The following AASS variants were observed in gnomAD, a reference collection of about 807,000 sequenced individuals.
AASS encodes alpha-aminoadipic semialdehyde synthase, mitochondrial.
AASS carries 86 observed loss-of-function variants against 105.4 expected under a neutral mutation model. The observed-to-expected ratio is 0.82, with a 90% CI of 0.69 to 0.98. The LOEUF (loss-of-function observed/expected upper bound fraction) is 0.98. AASS is among the 50% of genes least tolerant of loss of function. The probability of loss-of-function intolerance (pLI) is 0.00; values close to 1 mark genes in which losing one functional copy is unlikely to be tolerated. For missense variants in AASS, 1,048 were observed against 1,143.2 expected, an observed-to-expected ratio of 0.92 and a Z score of 1.20; for synonymous variants, 381 against 394.8, an observed-to-expected ratio of 0.96 and a Z score of 0.41.
intron 3 of AASS, among the ~76,000 whole-genome samples, chr7:122,127,984 C>T (rs1284856735): frequency 2.0e-5 from 3 of 152,100 alleles, no homozygotes; most frequent in South Asian, 2.1e-4. Flanking sequence ...ATTTGCCCAC[C>T]GAAGCCTTTT....
chr7:122,133,839 C>G (rs1796023400), intron 1 of AASS, 98 bp from the exon 2 acceptor site: 21 of 1,014,518 alleles, frequency 2.1e-5, no homozygotes, highest in Middle Eastern at 5.8e-4. Flanking sequence ...ACAACCCGCT[C>G]TTATGAAAAC....
At chr7:122,126,243 T>C in intron 4 of AASS, 132 bp downstream of exon 4, 1 of 814,526 alleles carries the variant, frequency 1.2e-6, no homozygotes, top group Admixed American at 1.7e-5. Context: ...TCATCATCCT[T>C]CAGCATACCT....
At chr7:122,096,163 A>T (rs959688799) in intron 15 of AASS, among the ~76,000 whole-genome samples, 1 of 152,222 alleles carries the variant, frequency 6.6e-6, no homozygotes, top group Admixed American at 6.5e-5. Context: ...TGGAATTTTC[A>T]AAGAAACTTG....
chr7:122,133,964 G>T, intron 1 of AASS: 1 of 562,932 alleles, frequency 1.8e-6, no homozygotes, highest in Non-Finnish European at 3.2e-6. Context: ...ATAGAGCAAC[G>T]TGTGTGACAC....
chr7:122,126,854 T>G (rs73717789), intron 3 of AASS, among the ~76,000 whole-genome samples: 2,036 of 152,268 alleles, frequency 0.013, 51 homozygotes, highest in African/African-American at 0.046. Context: ...CTCTGTGACC[T>G]AGATCCCAGC....
At chr7:122,128,460 AC>A (rs1163536942) in intron 3 of AASS, among the ~76,000 whole-genome samples, 5 of 152,062 alleles carry the variant, frequency 3.3e-5, no homozygotes, top group Non-Finnish European at 5.9e-5. Context: ...TGACCATCCT[AC>A]TTAAAATAGC....
At chr7:122,081,408 T>A (rs1793314026) in intron 20 of AASS, 92 bp downstream of exon 20, 4 of 972,032 alleles carry the variant, frequency 4.1e-6, no homozygotes, top group Admixed American at 3.4e-5. Context: ...AAAAATAGGA[T>A]CTTTTGCAGA....
chr7:122,124,369 A>G (rs560968381), intron 4 of AASS, among the ~76,000 whole-genome samples: 1 of 151,548 alleles, frequency 6.6e-6, no homozygotes, highest in Non-Finnish European at 1.5e-5. Context: ...TGCAACCTCC[A>G]CCTCTCAGAT....
At chr7:122,128,754 T>C (rs1021994622) in intron 3 of AASS, among the ~76,000 whole-genome samples, 2 of 152,176 alleles carry the variant, frequency 1.3e-5, no homozygotes, top group African/African-American at 4.8e-5. Context: ...ATCTCAAAAA[T>C]GCATTTTCCC....
chr7:122,101,682 T>C lies in AASS; in HGVS notation c.1279-2A>G. On this transcript the variant is annotated splice_acceptor_variant, in intron 11 of 23. Coordinates refer to ENST00000417368, the MANE Select transcript of AASS (RefSeq NM_005763.4). LOFTEE classifies it high-confidence loss of function. ...AGGCTGTGTCGCGTCTGATAATATCTGAAAGGAAAATGAGATTTGTAAGAG... is the reference window on the plus strand; with the variant it reads ...AGGCTGTGTCGCGTCTGATAATATCCGAAAGGAAAATGAGATTTGTAAGAG... 2 of 1,609,884 alleles carry C rather than the reference T, an allele frequency of 1.2e-6. No homozygotes were observed. The highest frequency in any genetic ancestry group is 1.7e-6 in the Non-Finnish European group (2 of 1,176,936).
chr7:122,108,976 A>G (rs1470674972), intron 11 of AASS, among the ~76,000 whole-genome samples: 4 of 152,126 alleles, frequency 2.6e-5, no homozygotes, highest in Non-Finnish European at 5.9e-5. Flanking sequence ...TGCAAAATCA[A>G]CATACAAAAA....
intron 1 of AASS, among the ~76,000 whole-genome samples, chr7:122,141,676 A>C (rs899068750): frequency 2.0e-5 from 3 of 151,382 alleles, no homozygotes; most frequent in East Asian, 3.9e-4. Flanking sequence ...AAAAAAAAAA[A>C]AAAAAAAAAC....
chr7:122,115,524 G>A (rs550868213), intron 8 of AASS, among the ~76,000 whole-genome samples: 87 of 152,108 alleles, frequency 5.7e-4, no homozygotes, highest in African/African-American at 1.7e-3. Flanking sequence ...AACAAAAAAC[G>A]GTGGACCTAA....
intron 1 of AASS, among the ~76,000 whole-genome samples, chr7:122,140,378 G>A (rs890752520): frequency 2.0e-5 from 3 of 150,804 alleles, no homozygotes; most frequent in Non-Finnish European, 4.4e-5. Context: ...CCAGCTACTC[G>A]GGAGACTGAG....
chr7:122,121,140 T>C (rs1795424078), intron 4 of AASS, among the ~76,000 whole-genome samples: 1 of 152,172 alleles, frequency 6.6e-6, no homozygotes, highest in African/African-American at 2.4e-5. Flanking sequence ...ACATCCATTA[T>C]TGGCTTATTA....
chr7:122,135,637 C>A (rs1361327600), intron 1 of AASS, among the ~76,000 whole-genome samples: 6 of 152,168 alleles, frequency 3.9e-5, no homozygotes, highest in Admixed American at 3.3e-4. Flanking sequence ...AAACTCTACT[C>A]AAAGCAGCAT....
At chr7:122,113,447 G>C (rs756617027) in intron 10 of AASS, 151 bp downstream of exon 10, 1 of 1,015,182 alleles carries the variant, frequency 9.9e-7, no homozygotes, top group Admixed American at 2.1e-5. Context: ...GTGTTCAAAT[G>C]TGCATGTTTT....
intron 1 of AASS, among the ~76,000 whole-genome samples, chr7:122,141,429 C>T (rs956857584): frequency 4.6e-5 from 7 of 152,146 alleles, no homozygotes; most frequent in Non-Finnish European, 8.8e-5. Context: ...TATCTGCTTA[C>T]TTGTCTGTCT....
chr7:122,136,786 A>C (rs1796159141), intron 1 of AASS, among the ~76,000 whole-genome samples: 1 of 152,150 alleles, frequency 6.6e-6, no homozygotes, highest in Non-Finnish European at 1.5e-5. Context: ...GAACATGTGG[A>C]GATAATTTAA....
Sources: gnomAD v4.1 joint callset for allele counts (sites outside exome capture counted in the v4.1 genomes callset) on GRCh38, gnomAD v4.1.1 for gene constraint, MANE v1.5 for transcripts, NCBI Gene and HGNC (gene_info 2026-07-23, HGNC 2026-07-21) for gene names.